The following IKBIP variants were observed in gnomAD, a reference collection of about 807,000 sequenced individuals.
IKBIP encodes the protein IKBKB interacting protein, also known as inhibitor of nuclear factor kappa-B kinase-interacting protein.
In IKBIP, 28 loss-of-function variants were observed where a neutral mutation model predicts 31.0. The ratio of observed to expected loss-of-function variants is 0.90; its 90% CI spans 0.67 to 1.24. The LOEUF (loss-of-function observed/expected upper bound fraction) is 1.24, where lower values mean the gene tolerates loss of function less well. Ranked by LOEUF, IKBIP falls within the 50% of genes most tolerant of loss-of-function variation. The pLI is 0.00. For missense variants in IKBIP, 453 were observed against 441.9 expected, an observed-to-expected ratio of 1.03 and a Z score of -0.23; for synonymous variants, 164 against 160.3, an observed-to-expected ratio of 1.02 and a Z score of -0.17.
exon 3 of IKBIP, chr12:98,613,503 TATC>T: frequency 1.5e-6 from 1 of 675,468 alleles, no homozygotes; most frequent in Non-Finnish European, 2.4e-6. Flanking sequence ...TGCTCCAAAA[TATC>T]ATTATTTTTG....
intron 1 of IKBIP, among the ~76,000 whole-genome samples, chr12:98,637,251 G>C (rs1401203698): frequency 6.6e-6 from 1 of 151,946 alleles, no homozygotes; most frequent in East Asian, 1.9e-4. Context: ...TAAGAAAAAA[G>C]TACAAAGCTG....
chr12:98,620,459 T>TGGTTTCAAGAGATTCTCCTGCCTCA (rs2097609239), downstream of IKBIP, among the ~76,000 whole-genome samples: 1 of 151,798 alleles, frequency 6.6e-6, no homozygotes, highest in Admixed American at 6.6e-5. Flanking sequence ...CCCTGCCTCC[T>TGGTTTCAAGAGATTCTCCTGCCTCA]GGTTTCAAGA....
At chr12:98,638,395 C>G (rs539272319) in intron 1 of IKBIP, among the ~76,000 whole-genome samples, 252 of 152,190 alleles carry the variant, frequency 1.7e-3, no homozygotes, top group African/African-American at 5.6e-3. Context: ...CATCCTACCC[C>G]CTCAGCCTCC....
intron 2 of IKBIP, among the ~76,000 whole-genome samples, chr12:98,627,758 T>A (rs1413979907): frequency 6.9e-6 from 1 of 144,108 alleles, no homozygotes; most frequent in African/African-American, 2.9e-5. Flanking sequence ...TTTTTATGGT[T>A]TTTTGGCTTT....
chr12:98,616,801 T>C (rs2097606514), intron 2 of IKBIP, among the ~76,000 whole-genome samples: 2 of 152,216 alleles, frequency 1.3e-5, no homozygotes, highest in Admixed American at 6.5e-5. Flanking sequence ...CATACACTTG[T>C]AGAAGTATTT....
intron 2 of IKBIP, among the ~76,000 whole-genome samples, chr12:98,631,722 A>G (rs2097620315): frequency 6.8e-6 from 1 of 147,830 alleles, no homozygotes. Context: ...GCAGTGAGAC[A>G]AGATCGAGCC....
rs780630016 is a variant in IKBIP, at chr12:98,626,525, A to G, written c.539T>C (p.Ile180Thr). The change falls in exon 3 of 3, where the codon ATA (isoleucine) becomes ACA (threonine). Residue 180 changes from isoleucine to threonine, a missense_variant. Ile to Thr is a moderately conservative substitution (Grantham distance 89, BLOSUM62 -1). Transcript: ENST00000299157. Reference sequence around the variant, plus strand: ...AATTTGGACAGTTACTTGAGAATGTATATGTTTTGCTTCTGATTTGAAAAT... The same window carrying G: ...AATTTGGACAGTTACTTGAGAATGTGTATGTTTTGCTTCTGATTTGAAAAT... ...TDIFKSEAKH[I>T]HSQVTVQINS... is the part of the protein sequence containing the mutation. 1.6e-5 allele frequency: 26 copies of G among 1,613,030 alleles called. No individual in the cohort carries two copies. Among genetic ancestry groups the G allele is most frequent in the East Asian group, 8.9e-5 (4 of 44,884 alleles).
chr12:98,618,490 G>A (rs1412482461), intron 2 of IKBIP, among the ~76,000 whole-genome samples: 2 of 152,042 alleles, frequency 1.3e-5, no homozygotes, highest in African/African-American at 4.8e-5. Flanking sequence ...GCCGGGCGTA[G>A]TGGTGGGCGC....
At chr12:98,641,163 A>G (rs2097630060) in intron 1 of IKBIP, among the ~76,000 whole-genome samples, 2 of 152,236 alleles carry the variant, frequency 1.3e-5, no homozygotes, top group South Asian at 4.1e-4. Context: ...TGGTCTGAAG[A>G]CAATGATATA....
intron 2 of IKBIP, among the ~76,000 whole-genome samples, chr12:98,630,789 G>A (rs187738298): frequency 7.2e-5 from 11 of 152,292 alleles, no homozygotes; most frequent in African/African-American, 2.4e-5. Context: ...GTTGGGATGG[G>A]TGTCCATGTC....
Position 98,644,772 on chromosome 12 carries a change from G to A in IKBIP, c.-71C>T, listed in dbSNP as rs2097637200. The A allele has an allele frequency of 5.2e-6, 8 of 1,528,542 alleles. No homozygotes were observed. The highest frequency in any genetic ancestry group is 7.1e-6 in the Non-Finnish European group (8 of 1,131,734). 94.7% of individuals were successfully genotyped at this position (1,528,542 alleles called of 1,614,324 possible). On this transcript the variant is annotated 5_prime_UTR_variant, in exon 1 of 3. Transcript: ENST00000299157. ...GGGGGAGCAGGACGTGGCCGCCTTG[G>A]CGTTCGTGGGAACCCTGGGCGGTGA...
Position 98,626,149 on chromosome 12 carries a change from A to G in IKBIP, c.915T>C (p.Phe305=). The G allele has an allele frequency of 6.2e-7, 1 of 1,611,588 alleles. No individual in the cohort carries two copies. The highest frequency in any genetic ancestry group is 8.5e-7 in the Non-Finnish European group (1 of 1,178,418). ...KKMEDLTMQM[F]NMEDDMLKAV... is the part of the protein sequence containing the mutation. ...CTTTCAGCATATCATCTTCCATATTAAACATCTGCATAGTCAAGTCTTCCA... is the reference window on the plus strand; with the variant it reads ...CTTTCAGCATATCATCTTCCATATTGAACATCTGCATAGTCAAGTCTTCCA... Residue 305 remains phenylalanine (F), a synonymous_variant, in exon 3 of 3, where the codon TTT becomes TTC. Coordinates refer to ENST00000299157, the MANE Select transcript of IKBIP (RefSeq NM_153687.4).
chr12:98,639,955 G>A lies in IKBIP; in HGVS notation c.179+4568C>T, dbSNP rs2097628927. On this transcript the variant is annotated intron_variant, in intron 1 of 2. Coordinates refer to ENST00000299157, the MANE Select transcript of IKBIP (RefSeq NM_153687.4). ...AGCAGGACATTTAAATTATACCCTT[G>A]TCTTTTAGATAAAACTCTACTAACA... is the stretch of plus-strand genomic sequence containing the variant. 2.0e-5 allele frequency among the ~76,000 whole-genome samples: 3 copies of A among 152,160 alleles called. No individual in the cohort carries two copies. The South Asian group carries it at 6.2e-4, about 32-fold the overall frequency.
chr12:98,613,798 T>C (rs775548200), exon 3 of IKBIP: 3 of 1,610,484 alleles, frequency 1.9e-6, no homozygotes, highest in Non-Finnish European at 2.5e-6. Flanking sequence ...CCTTTGGTTT[T>C]AGATCATTTG....
Position 98,624,462 on chromosome 12 carries a change from T to C in IKBIP, c.*1468A>G, listed in dbSNP as rs1210352821. On this transcript the variant is annotated 3_prime_UTR_variant, in exon 3 of 3. Transcript: ENST00000299157. The stretch of plus-strand genomic sequence containing the variant: ...CTCCTAACTCCAGTGGAGAAGGAGT[T>C]TGGGGGTTCTCCAAAAACTTGCAAA... 1 of 985,042 alleles carries C rather than the reference T, an allele frequency of 1.0e-6. No individual in the cohort carries two copies. 61.0% of individuals were successfully genotyped at this position (985,042 alleles called of 1,614,324 possible).
chr12:98,626,527 A>G lies in IKBIP; in HGVS notation c.537T>C (p.His179=), dbSNP rs745409933. ...TTTGGACAGTTACTTGAGAATGTAT[A>G]TGTTTTGCTTCTGATTTGAAAATGT... ...NTDIFKSEAK[H]IHSQVTVQIN... is the part of the protein sequence containing the mutation. The change falls in exon 3 of 3, where the codon CAT becomes CAC. Residue 179 remains histidine (H), a synonymous_variant. Coordinates refer to ENST00000299157, the MANE Select transcript of IKBIP (RefSeq NM_153687.4). 3.1e-6 allele frequency: 5 copies of G among 1,613,048 alleles called. No homozygotes were observed. The highest frequency in any genetic ancestry group is 3.4e-6 in the Non-Finnish European group (4 of 1,179,674).
chr12:98,632,498 AAAAAAAAAAAAAAAATAT>A (rs2097621249), intron 2 of IKBIP, among the ~76,000 whole-genome samples: 1 of 61,922 alleles, frequency 1.6e-5, no homozygotes, highest in African/African-American at 6.6e-5. Flanking sequence ...AAAAAAAAAA[AAAAAAAAAAAAAAAATAT>A]ATATATATAT....
At chr12:98,613,462 T>C (rs750438407) in exon 3 of IKBIP, 74 of 586,838 alleles carry the variant, frequency 1.3e-4, no homozygotes, top group Non-Finnish European at 2.0e-4. Context: ...ATTTTTACTG[T>C]ACAAAATAGG....
chr12:98,630,890 T>C (rs1345556294), intron 2 of IKBIP, among the ~76,000 whole-genome samples: 1 of 152,036 alleles, frequency 6.6e-6, no homozygotes, highest in Non-Finnish European at 1.5e-5. Flanking sequence ...CAGGGCAGAA[T>C]GGGAGAAAAA....
Sources: gnomAD v4.1 joint callset for allele counts (sites outside exome capture counted in the v4.1 genomes callset) on GRCh38, gnomAD v4.1.1 for gene constraint, MANE v1.5 for transcripts, NCBI Gene and HGNC (gene_info 2026-07-23, HGNC 2026-07-21) for gene names.